PSMB1: variants seen among roughly 807,000 people sequenced by gnomAD.
PSMB1 encodes proteasome 20S subunit beta 1, also known as proteasome subunit beta type-1.
A neutral mutation model predicts 25.4 loss-of-function variants in PSMB1; 7 were observed. The ratio of observed to expected loss-of-function variants is 0.28; its 90% CI spans 0.16 to 0.52. The LOEUF is 0.52. Ranked by LOEUF, PSMB1 falls within the 20% of genes least tolerant of loss-of-function variation. The pLI is 0.97. For synonymous variants in PSMB1, 119 were observed against 115.0 expected (o/e 1.03, Z -0.22); for missense variants, 284 against 302.2 (o/e 0.94, Z 0.45).
intron 5 of PSMB1, chr6:170,536,166 G>C (rs2114973808): frequency 3.1e-6 from 1 of 320,360 alleles, no homozygotes; most frequent in East Asian, 7.9e-5. Flanking sequence ...ACACTGAGAA[G>C]TTTTTGGAGA....
intron 1 of PSMB1, chr6:170,549,561 A>G (rs1257658266): frequency 1.3e-5 from 2 of 153,072 alleles, no homozygotes; most frequent in Non-Finnish European, 2.9e-5. Flanking sequence ...ACGCCTATAT[A>G]ATGCTTATTT....
rs951395602 is a variant in PSMB1, at chr6:170,536,830, C to G, written c.540+404G>C. Among the ~76,000 whole-genome samples the G allele has an allele frequency of 2.6e-5, 4 of 152,236 alleles. No individual in the cohort carries two copies. The East Asian group carries it at 7.7e-4, about 29-fold the overall frequency. ...GCTCGGGGAACTGGCGCCCCAATCC[C>G]CGTGTTGTTCAAGGCTCAACTGTAT... On this transcript the variant is annotated intron_variant, in intron 5 of 5. Transcript: ENST00000262193.
intron 3 of PSMB1, among the ~76,000 whole-genome samples, chr6:170,545,842 CT>C (rs1778810246): frequency 6.6e-6 from 1 of 152,174 alleles, no homozygotes; most frequent in Admixed American, 6.5e-5. Context: ...AGAAGAACTC[CT>C]CCCAGGCTCC....
rs763670527 is a variant in PSMB1 at position 170,553,147 on chromosome 6, G to A, written c.96C>T (p.Pro32=). The part of the protein sequence containing the change: ...AAGPLQLRFS[P]YVFNGGTILA... ...GTTTTTACCCTCCGTTGAAAACGTA[G>A]GGCGAAAATCGCAGCTGCAAAGGGC... The change falls in exon 1 of 6, where the codon CCC becomes CCT. Residue 32 remains proline, a synonymous_variant. Transcript: ENST00000262193. 6.2e-6 allele frequency: 10 copies of A among 1,612,514 alleles called. No homozygotes were observed. In the East Asian group the frequency reaches 2.0e-4, roughly 32 times the overall value.
At chr6:170,537,039 G>C (rs905226759) in intron 5 of PSMB1, among the ~76,000 whole-genome samples, 195 bp downstream of exon 5, 1 of 152,220 alleles carries the variant, frequency 6.6e-6, no homozygotes, top group Non-Finnish European at 1.5e-5. Context: ...ACCCACAAGA[G>C]AGTAGGCAGA....
At chr6:170,549,476 C>T (rs746275491) in intron 1 of PSMB1, 8 of 172,878 alleles carry the variant, frequency 4.6e-5, no homozygotes, top group Admixed American at 1.2e-4. Flanking sequence ...GGTACTACAA[C>T]GCAAGCTCTA....
chr6:170,541,463 G>A (rs1021567818), intron 4 of PSMB1, among the ~76,000 whole-genome samples: 4 of 152,118 alleles, frequency 2.6e-5, no homozygotes, highest in Non-Finnish European at 5.9e-5. Flanking sequence ...TAATGAGGAA[G>A]AGGACACAAA....
intron 4 of PSMB1, among the ~76,000 whole-genome samples, chr6:170,542,635 T>C (rs1583114324): frequency 6.6e-6 from 1 of 152,200 alleles, no homozygotes. Context: ...CATCTTTTCC[T>C]GCTGTCTGCT....
chr6:170,546,194 G>A lies in PSMB1; in HGVS notation c.222-10C>T. 1.2e-6 allele frequency: 2 copies of A among 1,612,382 alleles called. No individual in the cohort carries two copies. Among genetic ancestry groups the A allele is most frequent in the African/African-American group, 2.7e-5 (2 of 74,992 alleles). ...GACTGTTTTGTCTGTTCTGTAAAAAGCACATTTCAGAAAACTGAGCTGGTT... is the reference window on the plus strand; with the variant it reads ...GACTGTTTTGTCTGTTCTGTAAAAAACACATTTCAGAAAACTGAGCTGGTT... On this transcript the variant is annotated splice_polypyrimidine_tract_variant and intron_variant, in intron 2 of 5. Transcript: ENST00000262193.
At position 170,543,667 on chromosome 6, in the gene PSMB1, T is replaced by G; in HGVS notation, c.367A>C (p.Ile123Leu). Reference sequence around the variant, plus strand: ...GGAAAGAAGCGCCTTGAATACAGGATTGTAGACAGCATTGCAGCAATTGCC... The same window carrying G: ...GGAAAGAAGCGCCTTGAATACAGGAGTGTAGACAGCATTGCAGCAATTGCC... ...TGAIAAMLST[I>L]LYSRRFFPYY... The change falls in exon 4 of 6, where the codon ATC (isoleucine) becomes CTC (leucine). Residue 123 changes from isoleucine (I) to leucine (L), a missense_variant. By Grantham distance (5) the Ile-to-Leu change is conservative. Coordinates refer to ENST00000262193, the MANE Select transcript of PSMB1 (RefSeq NM_002793.4). 6.2e-7 allele frequency: 1 copy of G among 1,611,758 alleles called. No homozygotes were observed. Among genetic ancestry groups the G allele is most frequent in the Non-Finnish European group, 8.5e-7 (1 of 1,177,856 alleles).
chr6:170,542,666 A>AT (rs1778771071), intron 4 of PSMB1, among the ~76,000 whole-genome samples: 1 of 152,114 alleles, frequency 6.6e-6, no homozygotes. Flanking sequence ...CTGCAGCACT[A>AT]AATGCTTTTG....
At chr6:170,538,209 G>C (rs1165404412) in intron 4 of PSMB1, among the ~76,000 whole-genome samples, 5 of 152,254 alleles carry the variant, frequency 3.3e-5, no homozygotes, top group Non-Finnish European at 7.4e-5. Context: ...CGTTAAAAAG[G>C]CCTGTTAAAA....
chr6:170,542,503 ATGT>A (rs1778769205), intron 4 of PSMB1, among the ~76,000 whole-genome samples: 1 of 152,172 alleles, frequency 6.6e-6, no homozygotes. Context: ...GGCGCTGACA[ATGT>A]TGTTTAGGCT....
chr6:170,548,991 G>C lies in PSMB1; in HGVS notation c.221+15C>G, dbSNP rs552378467. 1 of 1,535,006 alleles carries C rather than the reference G, an allele frequency of 6.5e-7. No individual in the cohort carries two copies. Among genetic ancestry groups the C allele is most frequent in the Admixed American group, 1.7e-5 (1 of 59,814 alleles). Reference sequence around the variant, plus strand: ...ACAAAGGCATTGTGAAATGTCTTTAGAAATATTTACTTACAATTTGTAACA... The same window carrying C: ...ACAAAGGCATTGTGAAATGTCTTTACAAATATTTACTTACAATTTGTAACA... On this transcript the variant is annotated intron_variant, in intron 2 of 5. Coordinates refer to ENST00000262193, the MANE Select transcript of PSMB1 (RefSeq NM_002793.4).
rs1778814597 is a variant in PSMB1, at chr6:170,546,113, G to A, written c.293C>T (p.Ala98Val). The A allele has an allele frequency of 2.5e-6, 4 of 1,612,534 alleles. No homozygotes were observed. Among genetic ancestry groups the A allele is most frequent in the Non-Finnish European group, 3.4e-6 (4 of 1,178,874 alleles). ...TACAAAAGCATCTACCTTTAGTCTTGCTTCAATAATCTTTGTCAGCGTAAG... is the reference window on the plus strand; with the variant it reads ...TACAAAAGCATCTACCTTTAGTCTTACTTCAATAATCTTTGTCAGCGTAAG... The part of the protein sequence containing the change: ...DCLTLTKIIE[A>V]RLKMYKHSNN... The change falls in exon 3 of 6, where the codon GCA becomes GTA. Residue 98 changes from alanine to valine, a missense_variant. Coordinates refer to ENST00000262193, the MANE Select transcript of PSMB1 (RefSeq NM_002793.4).
intron 3 of PSMB1, among the ~76,000 whole-genome samples, chr6:170,544,353 G>T (rs377054666): frequency 1.3e-5 from 2 of 152,126 alleles, no homozygotes; most frequent in East Asian, 3.9e-4. Context: ...CAGTGGTCGT[G>T]ATCCTTAAAA....
chr6:170,550,479 G>C (rs1474516387), intron 1 of PSMB1: 1 of 152,280 alleles, frequency 6.6e-6, no homozygotes, highest in African/African-American at 2.4e-5. Flanking sequence ...GCTGAGGTGG[G>C]AGGACTGCTT....
intron 1 of PSMB1, chr6:170,550,241 C>T (rs1212036645): frequency 1.3e-5 from 2 of 152,202 alleles, no homozygotes; most frequent in African/African-American, 4.8e-5. Flanking sequence ...GTAATATAAA[C>T]AGCAAGCAAT....
chr6:170,539,583 C>G (rs1027003178), intron 4 of PSMB1, among the ~76,000 whole-genome samples: 1 of 152,022 alleles, frequency 6.6e-6, no homozygotes, highest in Non-Finnish European at 1.5e-5. Context: ...GTTCAATAGG[C>G]AAAAAGATGT....
Sources: allele counts gnomAD v4.1 joint callset (sites outside exome capture counted in the v4.1 genomes callset), GRCh38; gene constraint gnomAD v4.1.1; transcripts MANE v1.5; gene names NCBI Gene and HGNC (gene_info 2026-07-23, HGNC 2026-07-21).